The following TOGARAM2 variants were observed in gnomAD, a reference collection of about 807,000 sequenced individuals.
TOGARAM2 encodes TOG array regulator of axonemal microtubules protein 2.
Under a neutral mutation model 93.3 loss-of-function variants are expected in TOGARAM2, and 85 were observed. The observed-to-expected ratio is 0.91, with a 90% CI of 0.76 to 1.09. The LOEUF (loss-of-function observed/expected upper bound fraction) is 1.09, where lower values mean the gene tolerates loss of function less well. Ranked by LOEUF, TOGARAM2 falls within the 50% of genes least tolerant of loss-of-function variation. The pLI, the probability that TOGARAM2 is intolerant of heterozygous loss-of-function variation, is 0.00. For synonymous variants in TOGARAM2, 593 were observed against 552.8 expected (o/e 1.07, Z -1.02); for missense variants, 1,277 against 1,334.5 (o/e 0.96, Z 0.67).
At chr2:29,006,219 G>A (rs1393155469) in intron 6 of TOGARAM2, among the ~76,000 whole-genome samples, 2 of 149,152 alleles carry the variant, frequency 1.3e-5, no homozygotes, top group African/African-American at 2.5e-5. Flanking sequence ...GTTTGTGTGT[G>A]TGACTGTGTG....
chr2:29,045,664 C>A, intron 19 of TOGARAM2: 1 of 478,180 alleles, frequency 2.1e-6, no homozygotes, highest in Non-Finnish European at 3.8e-6. Context: ...GGTTGAATCT[C>A]CCTAATCAGA....
Position 29,028,196 on chromosome 2 carries a change from C to T in TOGARAM2, c.2012+1185C>T, listed in dbSNP as rs72859144. ...CTCCACCCCTCACTCCATCCTCGCC[C>T]CAACTGGAGACCATGTGGCACCTGT... On this transcript the variant is annotated intron_variant, in intron 14 of 19. Coordinates refer to ENST00000379558, the MANE Select transcript of TOGARAM2 (RefSeq NM_199280.4). Among the ~76,000 whole-genome samples the T allele has an allele frequency of 3.7e-3, 556 of 148,674 alleles. 5 individuals are homozygous for T. Among genetic ancestry groups the T allele is most frequent in the African/African-American group, 0.013 (532 of 40,328 alleles).
intron 6 of TOGARAM2, among the ~76,000 whole-genome samples, chr2:29,005,380 A>G (rs111214506): frequency 0.75 from 106,937 of 142,654 alleles, 41,256 homozygotes; most frequent in Non-Finnish European, 0.85. Flanking sequence ...ACGTGCATGT[A>G]TGTGGGTGCA....
At chr2:29,032,837 A>C in intron 14 of TOGARAM2, 97 bp from the exon 15 acceptor site, 1 of 977,884 alleles carries the variant, frequency 1.0e-6, no homozygotes, top group Non-Finnish European at 1.5e-6. Context: ...AAGTATTAAA[A>C]ACTCTCTTTA....
upstream of TOGARAM2, among the ~76,000 whole-genome samples, chr2:28,978,225 G>T (rs1322817931): frequency 2.6e-5 from 4 of 152,068 alleles, no homozygotes; most frequent in African/African-American, 9.7e-5. Context: ...GTATAAGTAA[G>T]GGGTAGGAAG....
At chr2:29,046,599 C>G (rs556348788) in intron 19 of TOGARAM2, 1 of 152,560 alleles carries the variant, frequency 6.6e-6, no homozygotes, top group Non-Finnish European at 1.5e-5. Flanking sequence ...TGCCGCCTTC[C>G]TCCCACCCCA....
chr2:29,036,402 T>A lies in TOGARAM2; in HGVS notation c.2419-139T>A, dbSNP rs1177852544. On this transcript the variant is annotated intron_variant, in intron 17 of 19. Coordinates refer to ENST00000379558, the MANE Select transcript of TOGARAM2 (RefSeq NM_199280.4). ...GTGAGCTCTTCATTTTTGAGAGTGCTGTGGCATAGGTCAGGGACGCAGGAG... is the reference window on the plus strand; with the variant it reads ...GTGAGCTCTTCATTTTTGAGAGTGCAGTGGCATAGGTCAGGGACGCAGGAG... 4.3e-6 allele frequency: 3 copies of A among 695,628 alleles called. No homozygotes were observed. The African/African-American group carries it at 5.4e-5, about 12-fold the overall frequency. The allele number at this position is 695,628 out of a possible 1,614,324, so 43.1% of individuals were successfully genotyped here.
intron 18 of TOGARAM2, 110 bp from the exon 19 acceptor site, chr2:29,045,214 C>G: frequency 1.3e-6 from 1 of 796,360 alleles, no homozygotes. Flanking sequence ...TTCAGCTCCC[C>G]CAAAGGCCTC....
intron 1 of TOGARAM2, among the ~76,000 whole-genome samples, chr2:28,984,011 A>G (rs1558401169): frequency 6.6e-6 from 1 of 151,228 alleles, no homozygotes; most frequent in Non-Finnish European, 1.5e-5. Flanking sequence ...CAGGCTTTTG[A>G]GCCCCATTTT....
At chr2:29,002,460 T>C (rs921949726) in intron 4 of TOGARAM2, 76 bp from the exon 5 acceptor site, 2 of 1,348,848 alleles carry the variant, frequency 1.5e-6, no homozygotes, top group African/African-American at 1.4e-5. Context: ...GAAGGCCCCG[T>C]TGCTGGGGTC....
At chr2:29,039,078 G>A (rs1666282064) in intron 18 of TOGARAM2, among the ~76,000 whole-genome samples, 1 of 152,174 alleles carries the variant, frequency 6.6e-6, no homozygotes, top group Non-Finnish European at 1.5e-5. Flanking sequence ...GGTGATAGCA[G>A]CAGAGAGTGC....
chr2:29,036,778 T>A, intron 18 of TOGARAM2, 21 bp downstream of exon 18: 1 of 1,601,012 alleles, frequency 6.2e-7, no homozygotes, highest in Non-Finnish European at 8.5e-7. Context: ...CACGTGGGCC[T>A]GTGTGGCTCT....
chr2:29,019,630 A>G (rs775651335), intron 10 of TOGARAM2, among the ~76,000 whole-genome samples: 1 of 152,106 alleles, frequency 6.6e-6, no homozygotes, highest in Non-Finnish European at 1.5e-5. Flanking sequence ...GTCCCTCTTT[A>G]TTTGAACTGT....
At chr2:29,005,486 CATGTGTGT>C (rs1296242823) in intron 6 of TOGARAM2, among the ~76,000 whole-genome samples, 73 of 110,634 alleles carry the variant, frequency 6.6e-4, no homozygotes, top group Middle Eastern at 0.01. Context: ...TGCATGTGTG[CATGTGTGT>C]GAGTGCATGT....
At position 28,962,347 on chromosome 2, in the gene TOGARAM2, TG is replaced by T. The variant is rs202160829; in HGVS notation, c.-147+5651del. On this transcript the variant is annotated intron_variant, in intron 1 of 6. Transcript: ENST00000401723. ...TGTGCCACCATGCCCAGCTAATTTT[TG>T]TATGTTTGGTAGAGACGGAGTTTCA... Among the ~76,000 whole-genome samples the T allele has an allele frequency of 6.2e-3, 936 of 152,188 alleles. 6 individuals are homozygous for T. Among genetic ancestry groups the T allele is most frequent in the African/African-American group, 0.022 (899 of 41,506 alleles).
intron 4 of TOGARAM2, 144 bp from the exon 5 acceptor site, chr2:29,002,392 G>A: frequency 1.5e-6 from 1 of 679,240 alleles, no homozygotes; most frequent in Non-Finnish European, 2.5e-6. Context: ...GTCTACCAGT[G>A]GTGGGGTTGG....
At chr2:29,012,742 C>G (rs902685838) in intron 7 of TOGARAM2, among the ~76,000 whole-genome samples, 1 of 152,214 alleles carries the variant, frequency 6.6e-6, no homozygotes, top group African/African-American at 2.4e-5. Flanking sequence ...GCTGACACTG[C>G]CCTCTGTGTG....
At chr2:28,975,622 A>G (rs575296790) in intron 1 of TOGARAM2, among the ~76,000 whole-genome samples, 2 of 152,216 alleles carry the variant, frequency 1.3e-5, no homozygotes, top group African/African-American at 4.8e-5. Flanking sequence ...TGGGCGCTGC[A>G]TCATTGATTG....
At chr2:29,045,598 G>A in intron 19 of TOGARAM2, 188 bp downstream of exon 19, 1 of 614,186 alleles carries the variant, frequency 1.6e-6, no homozygotes, top group Non-Finnish European at 2.9e-6. Flanking sequence ...CTTTGTTTTT[G>A]ATCAAAATGA....
Sources: allele counts gnomAD v4.1 joint callset (sites outside exome capture counted in the v4.1 genomes callset), GRCh38; gene constraint gnomAD v4.1.1; transcripts MANE v1.5; gene names NCBI Gene and HGNC (gene_info 2026-07-23, HGNC 2026-07-21).